LBH: variants seen among roughly 807,000 people sequenced by gnomAD.
LBH encodes the protein protein LBH.
A neutral mutation model predicts 12.5 loss-of-function variants in LBH; 7 were observed. The observed-to-expected ratio is 0.56, with a 90% CI of 0.32 to 1.05. LBH has a LOEUF of 1.05. Among genes scored for constraint, LBH ranks in the 50% least tolerant of loss-of-function variants. The pLI is 0.04. For missense variants in LBH, 119 were observed against 138.9 expected, an observed-to-expected ratio of 0.86 and a Z score of 0.72; for synonymous variants, 51 against 50.1, an observed-to-expected ratio of 1.02 and a Z score of -0.08.
intron 2 of LBH, among the ~76,000 whole-genome samples, chr2:30,251,091 G>A (rs1313947367): frequency 9.3e-6 from 1 of 107,218 alleles, no homozygotes; most frequent in East Asian, 2.4e-4. Context: ...GTCTTGTTTC[G>A]TCACCCAGGC....
intron 2 of LBH, chr2:30,256,636 T>C (rs11675079): frequency 0.25 from 38,275 of 152,098 alleles, 5,120 homozygotes; most frequent in Middle Eastern, 0.33. Context: ...TCTGCCTCAG[T>C]CTCCGGAGTA....
intron 2 of LBH, among the ~76,000 whole-genome samples, chr2:30,243,872 T>C (rs1202265808): frequency 1.3e-5 from 2 of 152,080 alleles, no homozygotes; most frequent in African/African-American, 4.8e-5. Flanking sequence ...ATGGAAGTCT[T>C]GGACCCAGTG....
chr2:30,239,409 CCT>C (rs968338990), intron 2 of LBH, among the ~76,000 whole-genome samples: 7 of 152,200 alleles, frequency 4.6e-5, no homozygotes, highest in East Asian at 1.9e-4. Context: ...CCTCATTACC[CCT>C]GTCTCATTGC....
intron 2 of LBH, among the ~76,000 whole-genome samples, chr2:30,235,735 G>A (rs1677676897): frequency 6.6e-6 from 1 of 151,964 alleles, no homozygotes; most frequent in Non-Finnish European, 1.5e-5. Flanking sequence ...GCCAGGGTGG[G>A]TGCCATGGAG....
intron 2 of LBH, among the ~76,000 whole-genome samples, chr2:30,252,458 T>A (rs1296782283): frequency 2.0e-5 from 3 of 152,062 alleles, no homozygotes; most frequent in African/African-American, 7.2e-5. Flanking sequence ...GTCAGGAGAT[T>A]GAGACCATAC....
At chr2:30,254,522 A>G (rs1259531850) in intron 2 of LBH, among the ~76,000 whole-genome samples, 1 of 152,006 alleles carries the variant, frequency 6.6e-6, no homozygotes, top group Non-Finnish European at 1.5e-5. Context: ...TCCTTATTTT[A>G]ATGAAAGACC....
intron 2 of LBH, among the ~76,000 whole-genome samples, chr2:30,239,654 A>G (rs903278337): frequency 8.1e-5 from 12 of 148,666 alleles, no homozygotes; most frequent in Admixed American, 6.0e-4. Flanking sequence ...TCCTATCCCT[A>G]CTCCCCCCAC....
Position 30,231,683 on chromosome 2 carries a change from G to A in LBH, c.-56G>A. On this transcript the variant is annotated 5_prime_UTR_variant, in exon 1 of 3. Coordinates refer to ENST00000395323, the MANE Select transcript of LBH (RefSeq NM_030915.4). ...CTGCGCCCGTGTCATCCTCACTCGG[G>A]ACGCAGGGACCGTTTTTAAATCACA... 6.4e-7 allele frequency: 1 copy of A among 1,555,456 alleles called. No individual in the cohort carries two copies. The highest frequency in any genetic ancestry group is 8.8e-7 in the Non-Finnish European group (1 of 1,136,608).
chr2:30,246,804 ACTCCCTCC>A (rs140062761), intron 2 of LBH, among the ~76,000 whole-genome samples: 114 of 122,584 alleles, frequency 9.3e-4, no homozygotes, highest in African/African-American at 3.5e-3. Flanking sequence ...TTCCTCACTC[ACTCCCTCC>A]CTCCCTCCCT....
At chr2:30,257,052 T>A (rs1415386223) in intron 2 of LBH, among the ~76,000 whole-genome samples, 1 of 152,250 alleles carries the variant, frequency 6.6e-6, no homozygotes, top group East Asian at 1.9e-4. Context: ...ACCTGTTGTA[T>A]TCTTTGTACT....
intron 2 of LBH, chr2:30,256,865 T>G (rs139752235): frequency 1.3e-5 from 2 of 159,948 alleles, no homozygotes; most frequent in African/African-American, 4.8e-5. Flanking sequence ...CTCACTCATT[T>G]CTAGGCTGTC....
chr2:30,249,174 T>C (rs1000873168), intron 2 of LBH, among the ~76,000 whole-genome samples: 7 of 152,218 alleles, frequency 4.6e-5, no homozygotes, highest in African/African-American at 1.7e-4. Context: ...TCTGTTCTTA[T>C]TAGCCACATT....
chr2:30,257,922 C>T lies in LBH; in HGVS notation c.*301C>T. ...CGAGTGCTGTTTTTGAGATCATTATCTGAACTCAGGCAGCCTAGTAGAGGC... is the reference window on the plus strand; with the variant it reads ...CGAGTGCTGTTTTTGAGATCATTATTTGAACTCAGGCAGCCTAGTAGAGGC... On this transcript the variant is annotated 3_prime_UTR_variant, in exon 3 of 3. Transcript: ENST00000395323. 4.2e-6 allele frequency: 1 copy of T among 240,760 alleles called. No individual in the cohort carries two copies. Among genetic ancestry groups the T allele is most frequent in the Non-Finnish European group, 8.0e-6 (1 of 124,724 alleles). The allele number at this position is 240,760 out of a possible 1,614,324, so 14.9% of individuals were successfully genotyped here.
At chr2:30,246,139 A>G (rs938908355) in intron 2 of LBH, among the ~76,000 whole-genome samples, 1 of 151,856 alleles carries the variant, frequency 6.6e-6, no homozygotes, top group African/African-American at 2.4e-5. Flanking sequence ...TTGTGTTTTT[A>G]GTAGAAATGA....
chr2:30,244,166 C>A (rs976642971), intron 2 of LBH, among the ~76,000 whole-genome samples: 3 of 152,164 alleles, frequency 2.0e-5, no homozygotes, highest in African/African-American at 7.2e-5. Context: ...CACATACCAG[C>A]TTACATGAGT....
chr2:30,256,061 A>G (rs1444566842), intron 2 of LBH, among the ~76,000 whole-genome samples: 1 of 152,150 alleles, frequency 6.6e-6, no homozygotes, highest in African/African-American at 2.4e-5. Flanking sequence ...TTCTCTCTCT[A>G]GCTCTGGGGT....
At chr2:30,240,297 G>A (rs775998196) in intron 2 of LBH, among the ~76,000 whole-genome samples, 3 of 152,210 alleles carry the variant, frequency 2.0e-5, no homozygotes, top group Admixed American at 1.3e-4. Context: ...GGTCTCCCAC[G>A]TTGGATAGAA....
At chr2:30,252,415 C>G (rs1043048519) in intron 2 of LBH, among the ~76,000 whole-genome samples, 15 of 152,170 alleles carry the variant, frequency 9.9e-5, no homozygotes, top group African/African-American at 3.6e-4. Context: ...GTAATCCCAG[C>G]ACTTTGGGAG....
intron 2 of LBH, among the ~76,000 whole-genome samples, chr2:30,243,017 T>C (rs1220033456): frequency 2.6e-5 from 4 of 152,218 alleles, no homozygotes; most frequent in Non-Finnish European, 5.9e-5. Flanking sequence ...GCTCCCAGCA[T>C]TGAAAGCTCT....
Sources: gnomAD v4.1 joint callset for allele counts (sites outside exome capture counted in the v4.1 genomes callset) on GRCh38, gnomAD v4.1.1 for gene constraint, MANE v1.5 for transcripts, NCBI Gene and HGNC (gene_info 2026-07-23, HGNC 2026-07-21) for gene names.